MICAL3: variants seen among roughly 807,000 people sequenced by gnomAD.
MICAL3 encodes the protein microtubule associated monooxygenase, calponin and LIM domain containing 3, also known as [F-actin]-monooxygenase MICAL3.
In MICAL3, 62 loss-of-function variants were observed where a neutral mutation model predicts 207.4. That is an observed-to-expected ratio of 0.30 (90% CI 0.24 to 0.37). The LOEUF (loss-of-function observed/expected upper bound fraction) is 0.37. Ranked by LOEUF, MICAL3 falls within the 10% of genes least tolerant of loss-of-function variation. The probability of loss-of-function intolerance (pLI) is 1.00; values close to 1 mark genes in which losing one functional copy is unlikely to be tolerated. For missense variants in MICAL3, 2,368 were observed against 2,635.6 expected (o/e 0.90, Z 2.22); for synonymous variants, 1,077 against 1,069.3 (o/e 1.01, Z -0.14).
chr22:17,879,306 G>C, intron 16 of MICAL3: 11 of 1,573,108 alleles, frequency 7.0e-6, no homozygotes, highest in Non-Finnish European at 9.5e-6. Context: ...CCGTGTGCTT[G>C]GCTCTCAGCA....
In MICAL3 at chr22:17,819,047, T is replaced by C. The variant is rs1038587726; in HGVS notation, c.3614A>G (p.Lys1205Arg). 6.3e-7 allele frequency: 1 copy of C among 1,588,618 alleles called. No individual in the cohort carries two copies. Among genetic ancestry groups the C allele is most frequent in the Non-Finnish European group, 8.6e-7 (1 of 1,167,486 alleles). Reference protein sequence around the residue: ...ERLFPEPLLPKEKPKADAPSD... With the variant: ...ERLFPEPLLPREKPKADAPSD... ...GGGGGCATCAGCTTTGGGCTTCTCT[T>C]TGGGGAGCAAAGGCTCAGGGAAAAG... The change falls in exon 26 of 32, where the codon AAA (lysine) becomes AGA (arginine). Residue 1205 changes from lysine (K) to arginine (R), a missense_variant. By Grantham distance (26) the Lys-to-Arg change is conservative (BLOSUM62 2). Coordinates refer to ENST00000441493, the MANE Select transcript of MICAL3 (RefSeq NM_015241.3).
intron 17 of MICAL3, among the ~76,000 whole-genome samples, chr22:17,870,851 G>A (rs1028645030): frequency 2.6e-5 from 4 of 152,150 alleles, no homozygotes; most frequent in African/African-American, 9.7e-5. Context: ...AGCCTTTCTC[G>A]GCTCACCTCT....
chr22:17,963,925 C>G (rs412238), intron 1 of MICAL3, among the ~76,000 whole-genome samples: 36,184 of 152,136 alleles, frequency 0.24, 4,906 homozygotes, highest in East Asian at 0.52. Context: ...GGTCCCTACT[C>G]TTGCTGCATT....
intron 1 of MICAL3, among the ~76,000 whole-genome samples, chr22:17,987,995 C>T (rs1486079015): frequency 6.6e-6 from 1 of 152,140 alleles, no homozygotes; most frequent in African/African-American, 2.4e-5. Flanking sequence ...GGGCAGGCTG[C>T]CCCAGTCACA....
chr22:17,837,699 C>G (rs1172269299), intron 20 of MICAL3, among the ~76,000 whole-genome samples: 2 of 152,222 alleles, frequency 1.3e-5, no homozygotes, highest in Non-Finnish European at 2.9e-5. Context: ...GGCCAAGGGT[C>G]TGTGACAAGG....
At chr22:17,944,277 T>C (rs1474270065) in intron 1 of MICAL3, among the ~76,000 whole-genome samples, 1 of 152,192 alleles carries the variant, frequency 6.6e-6, no homozygotes, top group Non-Finnish European at 1.5e-5. Flanking sequence ...TTCAGCCACT[T>C]TCCTCCCAGA....
At chr22:17,859,091 C>T (rs1926238570) in intron 19 of MICAL3, among the ~76,000 whole-genome samples, 1 of 152,128 alleles carries the variant, frequency 6.6e-6, no homozygotes, top group African/African-American at 2.4e-5. Flanking sequence ...ATGAGCAGGC[C>T]AGGAGACACC....
intron 22 of MICAL3, among the ~76,000 whole-genome samples, chr22:17,823,760 G>A (rs373158727): frequency 2.2e-4 from 34 of 152,170 alleles, no homozygotes; most frequent in African/African-American, 7.5e-4. Context: ...TACAACATCC[G>A]AAAAAAATTC....
chr22:17,908,235 G>A (rs1295347422), intron 1 of MICAL3, among the ~76,000 whole-genome samples: 1 of 152,236 alleles, frequency 6.6e-6, no homozygotes, highest in East Asian at 1.9e-4. Context: ...ACAACTCTGG[G>A]TAAGCACTGT....
chr22:17,816,662 C>T, intron 27 of MICAL3, 28 bp downstream of exon 27: 1 of 1,518,446 alleles, frequency 6.6e-7, no homozygotes, highest in Non-Finnish European at 8.9e-7. Flanking sequence ...GCCCCAGGCC[C>T]TGTGAAGCCC....
chr22:17,829,756 G>C (rs1922595845), intron 21 of MICAL3, among the ~76,000 whole-genome samples: 1 of 152,202 alleles, frequency 6.6e-6, no homozygotes, highest in African/African-American at 2.4e-5. Context: ...ATCAGAGAAG[G>C]AGCCAAGTCT....
intron 20 of MICAL3, among the ~76,000 whole-genome samples, chr22:17,838,427 T>G (rs1923627680): frequency 6.6e-6 from 1 of 152,216 alleles, no homozygotes; most frequent in Non-Finnish European, 1.5e-5. Flanking sequence ...TGCCTGGCCC[T>G]GCCCCTGGCC....
rs1601970128 is a variant in MICAL3 at position 17,821,316 on chromosome 22, AG to A, written c.3531+110del. On this transcript the variant is annotated intron_variant, in intron 25 of 31. Transcript: ENST00000441493. ...AATGAGGAGGCCAGCAGGCTATGTTAGCCCCAGTCTTGGTGGGACCCACACC... is the reference window on the plus strand; with the variant it reads ...AATGAGGAGGCCAGCAGGCTATGTTACCCCAGTCTTGGTGGGACCCACACC... 5.8e-5 allele frequency: 50 copies of A among 867,346 alleles called. 1 individual carries two copies. In the East Asian group the frequency reaches 1.0e-3, roughly 18 times the overall value. The allele number at this position is 867,346 out of a possible 1,614,324, so 53.7% of individuals were successfully genotyped here. A position where few individuals can be genotyped will look rare whatever the true frequency, so the allele number is the denominator to read the frequency against.
Position 17,790,800 on chromosome 22 carries a change from C to G in MICAL3, c.5941G>C (p.Glu1981Gln). Residue 1981 changes from glutamate to glutamine, a missense_variant, in exon 32 of 32, where the codon GAG becomes CAG. Physicochemically the swap from Glu to Gln is conservative, Grantham distance 29 (BLOSUM62 2). Coordinates refer to ENST00000441493, the MANE Select transcript of MICAL3 (RefSeq NM_015241.3). ...VALLEEQRLR[E>Q]REEDKDLEAA... ...TCCAGGTCCTTGTCCTCCTCTCTCTCCCGGAGCCGCTGCTCCTCCAGCAGC... is the reference window on the plus strand; with the variant it reads ...TCCAGGTCCTTGTCCTCCTCTCTCTGCCGGAGCCGCTGCTCCTCCAGCAGC... 1 of 1,613,424 alleles carries G rather than the reference C, an allele frequency of 6.2e-7. No individual in the cohort carries two copies. The highest frequency in any genetic ancestry group is 8.5e-7 in the Non-Finnish European group (1 of 1,179,752).
chr22:17,859,422 T>C (rs773866776), intron 19 of MICAL3, among the ~76,000 whole-genome samples: 1 of 152,216 alleles, frequency 6.6e-6, no homozygotes, highest in Non-Finnish European at 1.5e-5. Flanking sequence ...CAATTCAGCA[T>C]GAGGCTAGGC....
Position 17,891,631 on chromosome 22 carries a change from C to T in MICAL3, c.1548G>A (p.Glu516=), listed in dbSNP as rs759830432. ...GCAGTTTGCTTGAACGAGCTACAGA[C>T]TCTAAAACAACAAAACACAGTATTA... ...SRTTPKLTRN[E]SVARSSKLLG... Residue 516 remains glutamate, a splice_region_variant and synonymous_variant, in exon 12 of 32, where the codon GAG becomes GAA. Coordinates refer to ENST00000441493, the MANE Select transcript of MICAL3 (RefSeq NM_015241.3). 1.4e-5 allele frequency: 23 copies of T among 1,613,696 alleles called. No homozygotes were observed. In the South Asian group the frequency reaches 1.9e-4, roughly 13 times the overall value.
Position 17,795,553 on chromosome 22 carries a change from C to T in MICAL3, c.5651-4252G>A, listed in dbSNP as rs193039161. Among the ~76,000 whole-genome samples the T allele has an allele frequency of 2.3e-3, 351 of 152,320 alleles. 3 individuals carry two copies. The highest frequency in any genetic ancestry group is 0.015 in the Admixed American group (235 of 15,308). On this transcript the variant is annotated intron_variant, in intron 29 of 31. Coordinates refer to ENST00000441493, the MANE Select transcript of MICAL3 (RefSeq NM_015241.3). ...TTATGTAGGCCACATCCTCATACGC[C>T]CTTCCCAACACAGAGAACAATATAA... is the stretch of plus-strand genomic sequence containing the variant.
intron 29 of MICAL3, among the ~76,000 whole-genome samples, chr22:17,797,988 G>C (rs1461448326): frequency 6.6e-6 from 1 of 152,184 alleles, no homozygotes; most frequent in African/African-American, 2.4e-5. Context: ...CCACAGAGCT[G>C]GGGAGGTCCC....
At chr22:17,877,396 G>GGGAGGTTAT in intron 16 of MICAL3, among the ~76,000 whole-genome samples, 2 of 37,418 alleles carry the variant, frequency 5.3e-5, no homozygotes, top group African/African-American at 1.2e-4. Context: ...ATGGAGGTTA[G>GGGAGGTTAT]GGAGGTTAGG....
Sources: allele counts gnomAD v4.1 joint callset (sites outside exome capture counted in the v4.1 genomes callset), GRCh38; gene constraint gnomAD v4.1.1; transcripts MANE v1.5; gene names NCBI Gene and HGNC (gene_info 2026-07-23, HGNC 2026-07-21).